The following FCAMR variants were observed in gnomAD, a reference collection of about 807,000 sequenced individuals.
The protein encoded by FCAMR is high affinity immunoglobulin alpha and immunoglobulin mu Fc receptor.
In FCAMR, 51 loss-of-function variants were observed where a neutral mutation model predicts 52.2. The ratio of observed to expected loss-of-function variants is 0.98; its 90% CI spans 0.78 to 1.23. The LOEUF is 1.23. Ranked by LOEUF, FCAMR falls within the 50% of genes most tolerant of loss-of-function variation. The pLI is 0.00. For synonymous variants in FCAMR, 282 were observed against 262.0 expected (o/e 1.08, Z -0.74); for missense variants, 719 against 712.6 (o/e 1.01, Z -0.10).
chr1:206,965,548 G>C (rs557082690), intron 4 of FCAMR, among the ~76,000 whole-genome samples, 167 bp downstream of exon 4: 1 of 152,302 alleles, frequency 6.6e-6, no homozygotes, highest in South Asian at 2.1e-4. Context: ...CATGGAGGTG[G>C]GTGCCCTGGC....
rs748920338 is a variant in FCAMR, at chr1:206,965,668, G to A, written c.313+47C>T. 1.1e-5 allele frequency: 17 copies of A among 1,511,476 alleles called. No homozygotes were observed. The Admixed American group carries it at 1.7e-4, about 15-fold the overall frequency. The allele number at this position is 1,511,476 out of a possible 1,614,324, so 93.6% of individuals were successfully genotyped here. On this transcript the variant is annotated intron_variant, in intron 4 of 7. Transcript: ENST00000324852. ...GCCTGACTTGGTCTGAGAGAGCCTG[G>A]GAAGTCTGAGGTCCATGGTCGAACA...
At position 206,961,115 on chromosome 1, in the gene FCAMR, T is replaced by C; in HGVS notation, c.761A>G (p.Gln254Arg). The C allele has an allele frequency of 6.4e-7, 1 of 1,551,854 alleles. No individual in the cohort carries two copies. Among genetic ancestry groups the C allele is most frequent in the Non-Finnish European group, 8.7e-7 (1 of 1,147,038 alleles). The part of the protein sequence containing the change: ...VANRWTPGTT[Q>R]TLGQGTAWDT... ...CCATGCTGTCCCCTGTCCTAAGGTC[T>C]GGGTGGTTCCTGGGGTCCATCTGTT... is the stretch of plus-strand genomic sequence containing the variant. Residue 254 changes from glutamine to arginine, a missense_variant, in exon 6 of 8, where the codon CAG becomes CGG. Gln to Arg is a conservative substitution (Grantham distance 43, BLOSUM62 1). Transcript: ENST00000324852.
chr1:206,963,764 C>G (rs900243206), intron 4 of FCAMR, among the ~76,000 whole-genome samples: 7 of 152,166 alleles, frequency 4.6e-5, no homozygotes, highest in Non-Finnish European at 1.0e-4. Context: ...GTGATCTGCC[C>G]TTGGTGCTTT....
At position 206,962,538 on chromosome 1, in the gene FCAMR, C is replaced by T. The variant is rs767564605; in HGVS notation, c.327G>A (p.Leu109=). The T allele has an allele frequency of 1.3e-6, 2 of 1,561,424 alleles. No individual in the cohort carries two copies. The highest frequency in any genetic ancestry group is 2.4e-5 in the South Asian group (2 of 84,002). ...CCCCTGACACCAGCCTTGAGCCCTT[C>T]AATGAATTTGGAGCTGCAGACAGAG... ...EESSFAAPNS[L]KGSRLVSGEP... The change falls in exon 5 of 8, where the codon TTG becomes TTA. Residue 109 remains leucine, a synonymous_variant. Coordinates refer to ENST00000324852, the MANE Select transcript of FCAMR (RefSeq NM_001170631.2).
rs1680467451 is a variant in FCAMR, at chr1:206,960,560, A to G, written c.1316T>C (p.Met439Thr). The G allele has an allele frequency of 1.3e-6, 2 of 1,551,724 alleles. No homozygotes were observed. The highest frequency in any genetic ancestry group is 1.7e-6 in the Non-Finnish European group (2 of 1,146,936). Residue 439 changes from methionine to threonine, a missense_variant, in exon 6 of 8, where the codon ATG becomes ACG. Met to Thr is a moderately conservative substitution (Grantham distance 81). Transcript: ENST00000324852. ...GCTTCCTTCCCCAGATGCTGCCTCC[A>G]TGCTGGTCCACACATCTGCAGCTGG... Reference protein sequence around the residue: ...GTPAADVWTSMEAASGEGSAA... With the variant: ...GTPAADVWTSTEAASGEGSAA...
intron 6 of FCAMR, 22 bp from the exon 7 acceptor site, chr1:206,959,819 C>T: frequency 6.4e-7 from 1 of 1,569,400 alleles, no homozygotes; most frequent in Non-Finnish European, 8.8e-7. Flanking sequence ...GTGGAAAGAG[C>T]ACAGGGGAGA....
intron 3 of FCAMR, among the ~76,000 whole-genome samples, chr1:206,966,584 C>T (rs1312334838): frequency 1.3e-5 from 2 of 152,154 alleles, no homozygotes; most frequent in Non-Finnish European, 2.9e-5. Context: ...CAGGGTTTCA[C>T]CATGTTGCTC....
chr1:206,965,793 A>G lies in FCAMR; in HGVS notation c.235T>C (p.Ser79Pro), dbSNP rs764296824. 4.7e-5 allele frequency: 75 copies of G among 1,592,176 alleles called. No homozygotes were observed. The highest frequency in any genetic ancestry group is 5.4e-5 in the Admixed American group (3 of 55,598). ...PRWLWEGSLP[S>P]RTHLRAMGTL... Reference sequence around the variant, plus strand: ...CCCATGGCCCGGAGATGGGTCCTGGAGGGGAGAGAGCCCTCCCACAGCCAT... The same window carrying G: ...CCCATGGCCCGGAGATGGGTCCTGGGGGGGAGAGAGCCCTCCCACAGCCAT... Residue 79 changes from serine (S) to proline (P), a missense_variant, in exon 4 of 8, where the codon TCC (serine) becomes CCC (proline). Transcript: ENST00000324852.
At chr1:206,963,024 AC>A (rs1680571287) in intron 4 of FCAMR, among the ~76,000 whole-genome samples, 1 of 150,104 alleles carries the variant, frequency 6.7e-6, no homozygotes, top group African/African-American at 2.5e-5. Flanking sequence ...ATAAACAAGG[AC>A]CCTTTCAGGA....
At chr1:206,964,328 C>T (rs1680623245) in intron 4 of FCAMR, among the ~76,000 whole-genome samples, 1 of 152,056 alleles carries the variant, frequency 6.6e-6, no homozygotes, top group Non-Finnish European at 1.5e-5. Context: ...TGGCACCTAT[C>T]AGTCTGTTCT....
At chr1:206,970,026 G>T (rs1680872716) in intron 1 of FCAMR, 61 bp downstream of exon 1, 2 of 1,596,918 alleles carry the variant, frequency 1.3e-6, no homozygotes, top group Middle Eastern at 1.7e-4. Context: ...AGCTATGGCT[G>T]CAGTTCACCC....
At chr1:206,966,465 A>G (rs938668955) in intron 3 of FCAMR, among the ~76,000 whole-genome samples, 1 of 152,174 alleles carries the variant, frequency 6.6e-6, no homozygotes, top group East Asian at 1.9e-4. Flanking sequence ...AGCTCACTGC[A>G]ACCTCTGCCT....
chr1:206,965,887 AG>A, intron 3 of FCAMR, 29 bp from the exon 4 acceptor site: 1 of 1,609,262 alleles, frequency 6.2e-7, no homozygotes, highest in African/African-American at 1.3e-5. Context: ...ATGGGTCATC[AG>A]GGGGCCATCC....
intron 5 of FCAMR, among the ~76,000 whole-genome samples, chr1:206,961,747 G>T (rs1396769494): frequency 6.6e-6 from 1 of 152,260 alleles, no homozygotes; most frequent in African/African-American, 2.4e-5. Flanking sequence ...AGAACCTGCT[G>T]CAGAGGGCCT....
intron 2 of FCAMR, 125 bp from the exon 3 acceptor site, chr1:206,967,237 G>T: frequency 1.1e-6 from 1 of 889,994 alleles, no homozygotes; most frequent in Non-Finnish European, 1.8e-6. Flanking sequence ...CTGGGTTGCA[G>T]ATATCTGAGA....
At chr1:206,961,292 A>G in intron 5 of FCAMR, 69 bp from the exon 6 acceptor site, 2 of 1,327,698 alleles carry the variant, frequency 1.5e-6, no homozygotes, top group Non-Finnish European at 2.0e-6. Context: ...GGCAAAGGAC[A>G]CCAGGTTTAA....
chr1:206,960,281 G>A, intron 6 of FCAMR, 141 bp downstream of exon 6: 1 of 843,032 alleles, frequency 1.2e-6, no homozygotes, highest in Non-Finnish European at 1.8e-6. Flanking sequence ...CCCCTTGGGT[G>A]AGGGAGGGCA....
rs537136085 is a variant in FCAMR, at chr1:206,961,118, G to T, written c.758C>A (p.Thr253Asn). The T allele has an allele frequency of 6.4e-7, 1 of 1,551,806 alleles. No individual in the cohort carries two copies. The highest frequency in any genetic ancestry group is 1.4e-5 in the African/African-American group (1 of 73,152). Residue 253 changes from threonine to asparagine, a missense_variant, in exon 6 of 8, where the codon ACC becomes AAC. Coordinates refer to ENST00000324852, the MANE Select transcript of FCAMR (RefSeq NM_001170631.2). ...TGCTGTCCCCTGTCCTAAGGTCTGG[G>T]TGGTTCCTGGGGTCCATCTGTTGGC... ...PVANRWTPGT[T>N]QTLGQGTAWD...
intron 7 of FCAMR, among the ~76,000 whole-genome samples, chr1:206,959,475 T>TA (rs371737879): frequency 0.041 from 3,112 of 76,230 alleles, 48 homozygotes; most frequent in African/African-American, 0.086. Context: ...AGAGTCTGTC[T>TA]AAAAAAAAAA....
Sources: allele counts gnomAD v4.1 joint callset (sites outside exome capture counted in the v4.1 genomes callset), GRCh38; gene constraint gnomAD v4.1.1; transcripts MANE v1.5; gene names NCBI Gene and HGNC (gene_info 2026-07-23, HGNC 2026-07-21).